Variants in PCDHGA9 observed in about 807,000 individuals in gnomAD.
PCDHGA9 encodes the protein protocadherin gamma-A9.
PCDHGA9 carries 37 observed loss-of-function variants against 62.5 expected under a neutral mutation model. The ratio of observed to expected loss-of-function variants is 0.59; its 90% CI spans 0.46 to 0.78. PCDHGA9 has a LOEUF of 0.78. Among genes scored for constraint, PCDHGA9 ranks in the 30% least tolerant of loss-of-function variants. The pLI is 0.00. For synonymous variants in PCDHGA9, 459 were observed against 484.6 expected, an observed-to-expected ratio of 0.95 and a Z score of 0.69; for missense variants, 1,138 against 1,166.2, an observed-to-expected ratio of 0.98 and a Z score of 0.35.
chr5:141,487,670 T>A lies in PCDHGA9; in HGVS notation c.2425-7137T>A. The A allele has an allele frequency of 6.2e-7, 1 of 1,612,302 alleles. No homozygotes were observed. Among genetic ancestry groups the A allele is most frequent in the Non-Finnish European group, 8.5e-7 (1 of 1,179,082 alleles). ...TGAGGGTTATTCTGATCCAGGCATA[T>A]GGCTAGGCCATGTCCTAGAGAGTAC... On this transcript the variant is annotated intron_variant, in intron 1 of 3. Transcript: ENST00000573521. This position sits in a 1 kb window ranked among gnomAD's most constrained non-coding sequence, Gnocchi z 5.0.
Position 141,491,994 on chromosome 5 carries a change from C to T in PCDHGA9, c.2425-2813C>T. On this transcript the variant is annotated intron_variant, in intron 1 of 3. Transcript: ENST00000573521. This position sits in a 1 kb window ranked among gnomAD's most constrained non-coding sequence, Gnocchi z 6.9. ...CCTCCTTCGAGCTTCCGGTGAATTT[C>T]GGGCGATTTCCGCGGGTGTCGGGGG... The T allele has an allele frequency of 4.3e-6, 3 of 693,016 alleles. No individual in the cohort carries two copies. The allele number at this position is 693,016 out of a possible 1,614,324, so 42.9% of individuals were successfully genotyped here.
intron 1 of PCDHGA9, chr5:141,427,677 C>T: frequency 1.2e-6 from 1 of 816,672 alleles, no homozygotes; most frequent in Non-Finnish European, 2.1e-6. Flanking sequence ...AAACAACCTT[C>T]CCGGAGCCTC....
In PCDHGA9 at chr5:141,485,896, C is replaced by T; in HGVS notation, c.2425-8911C>T. On this transcript the variant is annotated intron_variant, in intron 1 of 3. Coordinates refer to ENST00000573521, the MANE Select transcript of PCDHGA9 (RefSeq NM_018921.3). The surrounding 1 kb of genome is among the most constrained non-coding windows in gnomAD (Gnocchi z 5.7). ...TGGACGTAAACGACAACGCCCCAGC[C>T]TTCCAGCAATCCAGCTACAGGATTA... 6.2e-7 allele frequency: 1 copy of T among 1,614,190 alleles called. No individual in the cohort carries two copies. The highest frequency in any genetic ancestry group is 8.5e-7 in the Non-Finnish European group (1 of 1,180,042).
chr5:141,480,065 A>G (rs2099511928), intron 1 of PCDHGA9, among the ~76,000 whole-genome samples: 1 of 152,220 alleles, frequency 6.6e-6, no homozygotes, highest in Non-Finnish European at 1.5e-5. Flanking sequence ...TAAGTGTTTT[A>G]TAAGATTCAT....
In PCDHGA9 at chr5:141,404,430, A is replaced by G. The variant is rs917902438; in HGVS notation, c.1478A>G (p.Glu493Gly). The G allele has an allele frequency of 6.2e-7, 1 of 1,613,298 alleles. No individual in the cohort carries two copies. The highest frequency in any genetic ancestry group is 1.3e-5 in the African/African-American group (1 of 74,930). ...ENSRVIYSLA[E>G]DTIQGSPLST... The stretch of plus-strand genomic sequence containing the variant: ...TCTAGAGTTATTTACTCCTTGGCAG[A>G]GGATACCATCCAAGGGTCTCCTCTC... Residue 493 changes from glutamate to glycine, a missense_variant, in exon 1 of 4, where the codon GAG becomes GGG. By Grantham distance (98) the Glu-to-Gly change is moderately conservative. Coordinates refer to ENST00000573521, the MANE Select transcript of PCDHGA9 (RefSeq NM_018921.3).
At position 141,432,185 on chromosome 5, in the gene PCDHGA9, G is replaced by A. The variant is rs376661062; in HGVS notation, c.2424+26809G>A. 8.1e-6 allele frequency: 13 copies of A among 1,613,956 alleles called. No individual in the cohort carries two copies. The African/African-American group carries it at 1.3e-4, about 17-fold the overall frequency. On this transcript the variant is annotated intron_variant, in intron 1 of 3. Transcript: ENST00000573521. This position sits in a 1 kb window ranked among gnomAD's most constrained non-coding sequence, Gnocchi z 6.0. ...AGGAGTTTCCCTCGTCTCTGTGACC[G>A]CCCACGACCCCGACTGTGAAGAGAA...
Position 141,476,208 on chromosome 5 carries a change from C to T in PCDHGA9, c.2425-18599C>T, listed in dbSNP as rs1266601125. The T allele has an allele frequency of 6.2e-7, 1 of 1,613,794 alleles. No homozygotes were observed. ...CTTGGTGCCTTGAACAAGGCTTCCA[C>T]GGTCATTCACTATGAGATCCCGGAG... On this transcript the variant is annotated intron_variant, in intron 1 of 3. Coordinates refer to ENST00000573521, the MANE Select transcript of PCDHGA9 (RefSeq NM_018921.3). The surrounding 1 kb of genome is among the most constrained non-coding windows in gnomAD (Gnocchi z 7.6).
rs751320023 is a variant in PCDHGA9 at position 141,431,263 on chromosome 5, G to T, written c.2424+25887G>T. 6 of 1,614,060 alleles carry T rather than the reference G, an allele frequency of 3.7e-6. No homozygotes were observed. In the East Asian group the frequency reaches 1.3e-4, roughly 36 times the overall value. ...CGGATATCGGGAAGAACTCTCTGCA[G>T]AGCTACGAGCTCAGCCCGAACACTC... On this transcript the variant is annotated intron_variant, in intron 1 of 3. Transcript: ENST00000573521. The surrounding 1 kb of genome is among the most constrained non-coding windows in gnomAD (Gnocchi z 4.8).
intron 1 of PCDHGA9, among the ~76,000 whole-genome samples, chr5:141,454,204 T>G (rs1161344350): frequency 3.3e-5 from 5 of 152,170 alleles, no homozygotes; most frequent in Non-Finnish European, 1.5e-5. Context: ...GTGAATTTAT[T>G]GACATGAATG....
In PCDHGA9 at chr5:141,431,482, G is replaced by C. The variant is rs781371030; in HGVS notation, c.2424+26106G>C. ...TGGATGCGAACGACAACGCACCAGCGTTTGCTCAGCCCGAGTACCGCGCGA... is the reference window on the plus strand; with the variant it reads ...TGGATGCGAACGACAACGCACCAGCCTTTGCTCAGCCCGAGTACCGCGCGA... On this transcript the variant is annotated intron_variant, in intron 1 of 3. Coordinates refer to ENST00000573521, the MANE Select transcript of PCDHGA9 (RefSeq NM_018921.3). The surrounding 1 kb of genome is among the most constrained non-coding windows in gnomAD (Gnocchi z 4.8). The C allele has an allele frequency of 6.8e-6, 11 of 1,613,800 alleles. No individual in the cohort carries two copies. The Admixed American group carries it at 1.3e-4, about 20-fold the overall frequency.
chr5:141,466,975 A>G (rs769024064), intron 1 of PCDHGA9, among the ~76,000 whole-genome samples: 1 of 151,842 alleles, frequency 6.6e-6, no homozygotes, highest in Non-Finnish European at 1.5e-5. Flanking sequence ...CTCACAGCTC[A>G]TCATTTACCT....
rs781026604 is a variant in PCDHGA9, at chr5:141,490,471, C to A, written c.2425-4336C>A. The A allele has an allele frequency of 6.2e-7, 1 of 1,614,214 alleles. No individual in the cohort carries two copies. The highest frequency in any genetic ancestry group is 1.1e-5 in the South Asian group (1 of 91,088). On this transcript the variant is annotated intron_variant, in intron 1 of 3. Transcript: ENST00000573521. This position sits in a 1 kb window ranked among gnomAD's most constrained non-coding sequence, Gnocchi z 5.4. ...CCACTACTCGCTGCTAACCAGCCAGCCTTTGGACCGGGAGGCCACATCCCA... is the reference window on the plus strand; with the variant it reads ...CCACTACTCGCTGCTAACCAGCCAGACTTTGGACCGGGAGGCCACATCCCA...
At position 141,491,257 on chromosome 5, in the gene PCDHGA9, G is replaced by GAAAT. The variant is rs1562145331; in HGVS notation, c.2425-3549_2425-3546dup. On this transcript the variant is annotated intron_variant, in intron 1 of 3. Transcript: ENST00000573521. The surrounding 1 kb of genome is among the most constrained non-coding windows in gnomAD (Gnocchi z 6.9). ...GGTTCTGGAGGATGAGGACCCTGAG[G>GAAAT]AAATGCCCAAATCCAGTGACTTCCT... is the stretch of plus-strand genomic sequence containing the variant. 6.2e-7 allele frequency: 1 copy of GAAAT among 1,614,170 alleles called. No individual in the cohort carries two copies. Among genetic ancestry groups the GAAAT allele is most frequent in the East Asian group, 2.2e-5 (1 of 44,884 alleles).
intron 1 of PCDHGA9, chr5:141,410,998 T>C: frequency 5.8e-6 from 1 of 173,396 alleles, no homozygotes; most frequent in South Asian, 1.4e-4. Context: ...GGATTACTGG[T>C]GCCCCTCACC....
At position 141,404,066 on chromosome 5, in the gene PCDHGA9, C is replaced by G. The variant is rs745515085; in HGVS notation, c.1114C>G (p.His372Asp). The G allele has an allele frequency of 3.1e-6, 5 of 1,613,776 alleles. No individual in the cohort carries two copies. The East Asian group carries it at 8.9e-5, about 29-fold the overall frequency. The change falls in exon 1 of 4, where the codon CAT (histidine) becomes GAT (aspartate). Residue 372 changes from histidine to aspartate, a missense_variant. By Grantham distance (81) the His-to-Asp change is moderately conservative. Transcript: ENST00000573521. ...AACAGTAATTCTTCTTTTCAATGCT[C>G]ATGACCGAGACTCCGGGAAGAATGG... Reference protein sequence around the residue: ...QGTVILLFNAHDRDSGKNGQV... With the variant: ...QGTVILLFNADDRDSGKNGQV...
intron 1 of PCDHGA9, 105 bp downstream of exon 1, chr5:141,405,481 G>A: frequency 2.0e-6 from 2 of 992,130 alleles, no homozygotes; most frequent in Middle Eastern, 2.6e-4. Context: ...ATGCAGTGGT[G>A]TGATCTCGGC....
rs146734417 is a variant in PCDHGA9, at chr5:141,431,409, G to T, written c.2424+26033G>T. The T allele has an allele frequency of 1.9e-6, 3 of 1,613,722 alleles. No homozygotes were observed. Among genetic ancestry groups the T allele is most frequent in the Non-Finnish European group, 2.5e-6 (3 of 1,180,048 alleles). On this transcript the variant is annotated intron_variant, in intron 1 of 3. Transcript: ENST00000573521. This position sits in a 1 kb window ranked among gnomAD's most constrained non-coding sequence, Gnocchi z 4.8. Reference sequence around the variant, plus strand: ...CACCTGGTCCTTACGGCCTCCGACGGGGGCGACCCGGTGCGCACAGGCACC... The same window carrying T: ...CACCTGGTCCTTACGGCCTCCGACGTGGGCGACCCGGTGCGCACAGGCACC...
intron 1 of PCDHGA9, chr5:141,433,179 T>C (rs760574214): frequency 1.2e-5 from 20 of 1,608,614 alleles, no homozygotes; most frequent in Admixed American, 1.7e-5. Flanking sequence ...CATGGGTTAA[T>C]TGAGGTGAGT....
chr5:141,459,947 A>T (rs2098978538), intron 1 of PCDHGA9, among the ~76,000 whole-genome samples: 1 of 152,200 alleles, frequency 6.6e-6, no homozygotes, highest in African/African-American at 2.4e-5. Context: ...GCGTGATGGC[A>T]GGTGCCTGTA....
Sources: allele counts gnomAD v4.1 joint callset (sites outside exome capture counted in the v4.1 genomes callset), GRCh38; gene constraint gnomAD v4.1.1; non-coding constraint Gnocchi (gnomAD v3.1); transcripts MANE v1.5; gene names NCBI Gene and HGNC (gene_info 2026-07-23, HGNC 2026-07-21).